Variants in ARID5B observed in about 807,000 individuals in gnomAD.
The protein encoded by ARID5B is AT-rich interactive domain-containing protein 5B.
Under a neutral mutation model 97.2 loss-of-function variants are expected in ARID5B, and 13 were observed. That is an observed-to-expected ratio of 0.13 (90% CI 0.09 to 0.21). The LOEUF (loss-of-function observed/expected upper bound fraction) is 0.21. Among genes scored for constraint, ARID5B ranks in the 10% least tolerant of loss-of-function variants. ARID5B has a pLI of 1.00. For synonymous variants in ARID5B, 556 were observed against 570.3 expected (o/e 0.97, Z 0.36); for missense variants, 1,210 against 1,465.3 (o/e 0.83, Z 2.84).
In ARID5B at chr10:61,901,745, T is replaced by G. The variant is rs759071681; in HGVS notation, c.21+15T>G. 5.0e-6 allele frequency: 8 copies of G among 1,613,106 alleles called. No homozygotes were observed. In the East Asian group the frequency reaches 1.8e-4, roughly 36 times the overall value. ...ACTCACTCCAGGTATTTCGCTCTCC[T>G]CCGCTCCTCCGATCCCGGCACCCCC... On this transcript the variant is annotated intron_variant, in intron 1 of 9. Transcript: ENST00000279873.
At position 62,072,301 on chromosome 10, in the gene ARID5B, C is replaced by T. The variant is rs181586673; in HGVS notation, c.1199+2504C>T. ...TGTTGAAACTAGAGGCTGCAACCCA[C>T]TGCTGCTGTTAATGCATTGTGGAGT... On this transcript the variant is annotated intron_variant, in intron 8 of 9. Transcript: ENST00000279873. Among the ~76,000 whole-genome samples the T allele has an allele frequency of 6.8e-4, 104 of 152,312 alleles. 4 individuals carry two copies. In the East Asian group the frequency reaches 0.019, roughly 28 times the overall value.
intron 3 of ARID5B, among the ~76,000 whole-genome samples, chr10:61,973,078 C>G (rs1156709652): frequency 6.6e-6 from 1 of 152,176 alleles, no homozygotes. Flanking sequence ...AAGAGAGCTC[C>G]TGATCATTCC....
In ARID5B at chr10:62,086,709, A is replaced by AAAAT. The variant is rs1554851220; in HGVS notation, c.1398+811_1398+814dup. ...CCATCTCAAAAAAAAAAAAAAAAAA[A>AAAAT]AAATATCAGGCATGGTGGTGCCCCG... On this transcript the variant is annotated intron_variant, in intron 9 of 9. Transcript: ENST00000279873. Among the ~76,000 whole-genome samples, 26 of 114,038 alleles carry AAAAT rather than the reference A, an allele frequency of 2.3e-4. 1 individual carries two copies. Among genetic ancestry groups the AAAAT allele is most frequent in the African/African-American group, 7.7e-4 (24 of 31,240 alleles). 74.8% of individuals were successfully genotyped at this position (114,038 alleles called of 152,430 possible).
chr10:62,040,951 T>C (rs531175718), intron 4 of ARID5B, among the ~76,000 whole-genome samples: 9 of 152,254 alleles, frequency 5.9e-5, no homozygotes, highest in Non-Finnish European at 1.3e-4. Context: ...CTCTTCTGGG[T>C]TCATTGTTAG....
intron 3 of ARID5B, among the ~76,000 whole-genome samples, chr10:61,953,081 T>C (rs2132813194): frequency 6.6e-6 from 1 of 152,280 alleles, no homozygotes; most frequent in East Asian, 1.9e-4. Flanking sequence ...GCACGACATC[T>C]AGTGCTGCTT....
At chr10:61,957,995 G>A (rs1838415656) in intron 3 of ARID5B, among the ~76,000 whole-genome samples, 1 of 152,188 alleles carries the variant, frequency 6.6e-6, no homozygotes. Context: ...TCATTTTGAG[G>A]TTGTCCACCT....
At chr10:62,090,169 T>C (rs1840349590) in intron 9 of ARID5B, among the ~76,000 whole-genome samples, 1 of 152,234 alleles carries the variant, frequency 6.6e-6, no homozygotes, top group Admixed American at 6.5e-5. Context: ...CAACTTCATT[T>C]TGGGCTTTAA....
chr10:61,968,879 T>C (rs1323643463), intron 3 of ARID5B, among the ~76,000 whole-genome samples: 1 of 152,218 alleles, frequency 6.6e-6, no homozygotes, highest in Non-Finnish European at 1.5e-5. Context: ...AAGCTTCTAT[T>C]TATAGGCTCC....
intron 4 of ARID5B, among the ~76,000 whole-genome samples, chr10:62,050,648 C>CTAT (rs1415060536): frequency 1.3e-5 from 2 of 152,136 alleles, no homozygotes; most frequent in Non-Finnish European, 2.9e-5. Flanking sequence ...CGTGTTACTT[C>CTAT]TATTAATTAG....
chr10:61,949,652 G>A (rs1015623772), intron 3 of ARID5B, among the ~76,000 whole-genome samples: 3 of 151,520 alleles, frequency 2.0e-5, no homozygotes, highest in African/African-American at 2.4e-5. Flanking sequence ...ACCCCCCCAC[G>A]CCCCCACAAA....
intron 2 of ARID5B, among the ~76,000 whole-genome samples, chr10:61,914,622 A>C (rs1391172507): frequency 2.0e-5 from 3 of 152,218 alleles, no homozygotes; most frequent in Non-Finnish European, 4.4e-5. Flanking sequence ...CTCTTTCCCG[A>C]AACCATCTGC....
At chr10:61,988,936 C>CTT (rs61016394) in intron 3 of ARID5B, among the ~76,000 whole-genome samples, 58,007 of 122,240 alleles carry the variant, frequency 0.47, 14,585 homozygotes, top group Non-Finnish European at 0.49. Context: ...TTTTCTTTTA[C>CTT]TTTTTTTTTT....
intron 8 of ARID5B, among the ~76,000 whole-genome samples, chr10:62,073,735 C>T (rs1018716340): frequency 2.6e-5 from 4 of 152,186 alleles, no homozygotes; most frequent in African/African-American, 9.7e-5. Flanking sequence ...GTTTTCCCAT[C>T]GCAAGGCTGT....
intron 4 of ARID5B, among the ~76,000 whole-genome samples, chr10:62,029,956 A>G (rs1261819168): frequency 6.6e-6 from 1 of 152,082 alleles, no homozygotes; most frequent in East Asian, 1.9e-4. Flanking sequence ...AAAATAGAAA[A>G]GTTCTTGTTG....
chr10:61,909,308 T>A (rs1303404324), intron 2 of ARID5B, among the ~76,000 whole-genome samples: 2 of 149,944 alleles, frequency 1.3e-5, no homozygotes, highest in Non-Finnish European at 3.0e-5. Flanking sequence ...TATTTAGTGC[T>A]ATTCAGTGAG....
At position 62,095,115 on chromosome 10, in the gene ARID5B, A is replaced by T; in HGVS notation, c.*2085A>T. On this transcript the variant is annotated 3_prime_UTR_variant, in exon 10 of 10. Coordinates refer to ENST00000279873, the MANE Select transcript of ARID5B (RefSeq NM_032199.3). The stretch of plus-strand genomic sequence containing the variant: ...TTCCTGTGGAATAATATATATATAT[A>T]TATTTAATAGAACCATAGATAGACT... The T allele has an allele frequency of 1.8e-5, 4 of 227,512 alleles. No individual in the cohort carries two copies. The highest frequency in any genetic ancestry group is 3.5e-5 in the Non-Finnish European group (4 of 114,394). The allele number at this position is 227,512 out of a possible 1,614,324, so 14.1% of individuals were successfully genotyped here.
chr10:61,912,574 T>A (rs903937193), intron 2 of ARID5B, among the ~76,000 whole-genome samples: 7 of 151,842 alleles, frequency 4.6e-5, no homozygotes, highest in African/African-American at 7.3e-5. Flanking sequence ...TGTATACTAT[T>A]TTTGTTAGTC....
intron 4 of ARID5B, among the ~76,000 whole-genome samples, chr10:62,015,749 G>A (rs1040638128): frequency 3.9e-5 from 6 of 152,036 alleles, no homozygotes; most frequent in African/African-American, 1.4e-4. Flanking sequence ...TCAGCCTCCT[G>A]AGTAGCTGGG....
In ARID5B at chr10:62,071,314, G is replaced by A. The variant is rs538372634; in HGVS notation, c.1199+1517G>A. 4.6e-5 allele frequency among the ~76,000 whole-genome samples: 7 copies of A among 152,182 alleles called. No individual in the cohort carries two copies. The East Asian group carries it at 7.7e-4, about 17-fold the overall frequency. On this transcript the variant is annotated intron_variant, in intron 8 of 9. Transcript: ENST00000279873. The stretch of plus-strand genomic sequence containing the variant: ...CTCCCAAAGTGCTGGGATTACAGGC[G>A]TGAGCCACCACACCCAGCCAGAACA...
Sources: allele counts gnomAD v4.1 joint callset (sites outside exome capture counted in the v4.1 genomes callset), GRCh38; gene constraint gnomAD v4.1.1; transcripts MANE v1.5; gene names NCBI Gene and HGNC (gene_info 2026-07-23, HGNC 2026-07-21).